The following PAGE2B variants were observed in gnomAD, a reference collection of about 807,000 sequenced individuals.
PAGE2B encodes putative G antigen family E member 3.
PAGE2B carries 5 observed loss-of-function variants against 7.6 expected under a neutral mutation model. That is an observed-to-expected ratio of 0.66 (90% confidence interval 0.34 to 1.38). The LOEUF (loss-of-function observed/expected upper bound fraction) is 1.38. PAGE2B is among the 40% of genes most tolerant of loss of function. The pLI, the probability that PAGE2B is intolerant of heterozygous loss-of-function variation, is 0.04. For missense variants in PAGE2B, 70 were observed against 78.4 expected (o/e 0.89, Z 0.41); for synonymous variants, 29 against 26.7 (o/e 1.09, Z -0.27).
the PAGE2B span, among the ~76,000 whole-genome samples, chrX:55,029,528 T>A: frequency 1.8e-5 from 2 of 111,637 alleles, no homozygotes; most frequent in African/African-American, 6.5e-5. Flanking sequence ...ATTCAAATAT[T>A]ACTACCTTTT....
chrX:55,049,404 T>C, the PAGE2B span, among the ~76,000 whole-genome samples: 1 of 111,991 alleles, frequency 8.9e-6, no homozygotes, highest in African/African-American at 3.2e-5. Flanking sequence ...CTTGTACCTC[T>C]GGTAGAATTC....
At chrX:55,070,524 A>G (rs1936439214), upstream of PAGE2B, among the ~76,000 whole-genome samples, 1 of 111,576 alleles carries the variant, frequency 9.0e-6, no homozygotes, top group African/African-American at 3.3e-5. Flanking sequence ...TTTGGGGTGG[A>G]GAGTTCTGTA....
chrX:55,057,608 G>A, the PAGE2B span, among the ~76,000 whole-genome samples: 2 of 110,605 alleles, frequency 1.8e-5, no homozygotes, highest in African/African-American at 6.6e-5. Context: ...TCAGTTACAG[G>A]GAAAGAAACT....
At chrX:55,078,001 G>A (rs1936543277) in intron 4 of PAGE2B, among the ~76,000 whole-genome samples, 1 of 83,428 alleles carries the variant, frequency 1.2e-5, no homozygotes, top group African/African-American at 5.1e-5. Context: ...AGATGAAAAC[G>A]TGTTCTGACT....
At chrX:55,071,289 G>A (rs763825879), upstream of PAGE2B, among the ~76,000 whole-genome samples, 6 of 110,886 alleles carry the variant, frequency 5.4e-5, no homozygotes, top group East Asian at 2.8e-4. Context: ...AAAGGATTTC[G>A]TTTCTCCTTC....
At chrX:55,072,635 C>A (rs1936461291), upstream of PAGE2B, among the ~76,000 whole-genome samples, 1 of 112,516 alleles carries the variant, frequency 8.9e-6, no homozygotes, top group African/African-American at 3.2e-5. Context: ...AGACGGCGGG[C>A]AGGAACATTT....
At chrX:55,047,549 T>C in the PAGE2B span, among the ~76,000 whole-genome samples, 3,323 of 111,471 alleles carry the variant, frequency 0.03, 104 homozygotes, top group African/African-American at 0.093. Context: ...GTAAAAGTGT[T>C]CCTATTTCTC....
At chrX:55,040,970 T>A in the PAGE2B span, among the ~76,000 whole-genome samples, 1 of 111,325 alleles carries the variant, frequency 9.0e-6, no homozygotes, top group Non-Finnish European at 1.9e-5. Context: ...GTTTCTACAT[T>A]GTGAAATGGT....
At chrX:55,052,413 C>T in the PAGE2B span, among the ~76,000 whole-genome samples, 3 of 112,654 alleles carry the variant, frequency 2.7e-5, no homozygotes, top group Non-Finnish European at 5.6e-5. Flanking sequence ...AGAGGTGGAG[C>T]CTACAGAGGC....
the PAGE2B span, among the ~76,000 whole-genome samples, chrX:55,054,178 C>T: frequency 9.1e-6 from 1 of 110,335 alleles, no homozygotes; most frequent in African/African-American, 3.3e-5. Flanking sequence ...CACTGCACTC[C>T]AGCCTGGGCG....
chrX:55,073,224 G>A (rs1569548300), upstream of PAGE2B, among the ~76,000 whole-genome samples: 1 of 111,977 alleles, frequency 8.9e-6, no homozygotes, highest in Non-Finnish European at 1.9e-5. Context: ...GGAATCTCTT[G>A]GTCTGCAGAT....
chrX:55,056,463 G>A, the PAGE2B span, among the ~76,000 whole-genome samples: 2 of 111,168 alleles, frequency 1.8e-5, no homozygotes, highest in Non-Finnish European at 3.8e-5. Flanking sequence ...TAGTTGCAGA[G>A]AGCCCATCTG....
At chrX:55,042,653 CAAAAAAAAAAAAAAAAAAAAAA>C in the PAGE2B span, among the ~76,000 whole-genome samples, 7 of 11,862 alleles carry the variant, frequency 5.9e-4, no homozygotes, top group East Asian at 0.017. Flanking sequence ...GACTCCGTCT[CAAAAAAAAAAAAAAAAAAAAAA>C]AAAAAAAAAA....
the PAGE2B span, among the ~76,000 whole-genome samples, chrX:55,050,561 A>C: frequency 2.7e-3 from 295 of 110,652 alleles, 1 homozygote; most frequent in African/African-American, 9.2e-3. Flanking sequence ...ACCATTATGT[A>C]ATGGCCTTCT....
chrX:55,041,999 C>A, the PAGE2B span, among the ~76,000 whole-genome samples: 2 of 111,680 alleles, frequency 1.8e-5, no homozygotes, highest in African/African-American at 6.5e-5. Flanking sequence ...TGGAACAAGA[C>A]AAGGATGCCC....
chrX:55,059,004 CA>C, the PAGE2B span, among the ~76,000 whole-genome samples: 286 of 108,127 alleles, frequency 2.6e-3, 1 homozygote, highest in Non-Finnish European at 2.4e-3. Context: ...CCTCTCTTCA[CA>C]AAAAAAAAGG....
chrX:55,051,338 G>A, the PAGE2B span, among the ~76,000 whole-genome samples: 1 of 110,943 alleles, frequency 9.0e-6, no homozygotes, highest in East Asian at 2.8e-4. Context: ...TGTATTTCCT[G>A]AATTTGAATG....
chrX:55,031,146 G>A, the PAGE2B span: 9 of 248,232 alleles, frequency 3.6e-5, no homozygotes, highest in Admixed American at 1.6e-4. Flanking sequence ...CCCTCCCCCA[G>A]CTCTGGCTCT....
In PAGE2B at chrX:55,077,472, T is replaced by C; in HGVS notation, c.267T>C (p.Asp89=). 1 of 1,211,941 alleles carries C rather than the reference T, an allele frequency of 8.3e-7. No individual in the cohort carries two copies. The highest frequency in any genetic ancestry group is 3.0e-5 in the East Asian group (1 of 33,879). The stretch of plus-strand genomic sequence containing the variant: ...AGGATGAGCCTGGAGATGGTCCTGA[T>C]GTCAGGGAGGGGATTATGCCCACTT... ...KIEDEPGDGP[D]VREGIMPTFD... Residue 89 remains aspartate, a synonymous_variant, in exon 4 of 5, where the codon GAT becomes GAC. Coordinates refer to ENST00000374971, the MANE Select transcript of PAGE2B (RefSeq NM_001015038.3).
Sources: allele counts gnomAD v4.1 joint callset (sites outside exome capture counted in the v4.1 genomes callset), GRCh38; gene constraint gnomAD v4.1.1; transcripts MANE v1.5; gene names NCBI Gene and HGNC (gene_info 2026-07-23, HGNC 2026-07-21).